The following ANK3 variants were observed in gnomAD, a reference collection of about 807,000 sequenced individuals.
ANK3 encodes the protein ankyrin-3.
ANK3 carries 57 observed loss-of-function variants against 370.9 expected under a neutral mutation model. The ratio of observed to expected loss-of-function variants is 0.15; its 90% CI spans 0.12 to 0.19. The LOEUF (loss-of-function observed/expected upper bound fraction) is 0.19, where lower values mean the gene tolerates loss of function less well. ANK3 is among the 10% of genes least tolerant of loss of function. The pLI is 1.00. For missense variants in ANK3, 4,439 were observed against 5,302.1 expected, an observed-to-expected ratio of 0.84 and a Z score of 5.06; for synonymous variants, 1,929 against 1,946.3, an observed-to-expected ratio of 0.99 and a Z score of 0.23.
chr10:60,575,142 T>A (rs1375056751), intron 2 of ANK3, among the ~76,000 whole-genome samples: 1 of 152,238 alleles, frequency 6.6e-6, no homozygotes, highest in African/African-American at 2.4e-5. Flanking sequence ...AAATTCTTTT[T>A]AAACTATAAA....
chr10:60,343,804 C>T (rs1282737399), intron 1 of ANK3, among the ~76,000 whole-genome samples: 1 of 152,194 alleles, frequency 6.6e-6, no homozygotes, highest in Non-Finnish European at 1.5e-5. Flanking sequence ...ATGACAGTCA[C>T]CTGGAGGGCT....
chr10:60,623,778 T>C (rs1004462494), intron 1 of ANK3, among the ~76,000 whole-genome samples: 4 of 152,180 alleles, frequency 2.6e-5, no homozygotes, highest in African/African-American at 9.6e-5. Flanking sequence ...CAGTAATCTC[T>C]AAGCCCTTGG....
chr10:60,626,340 T>C (rs1470703313), intron 1 of ANK3, among the ~76,000 whole-genome samples: 1 of 152,180 alleles, frequency 6.6e-6, no homozygotes, highest in Non-Finnish European at 1.5e-5. Flanking sequence ...ATGCATTATA[T>C]TGTACAAATA....
chr10:60,042,894 T>TA, intron 42 of ANK3, 135 bp from the exon 43 acceptor site: 1 of 1,500,452 alleles, frequency 6.7e-7, no homozygotes, highest in Non-Finnish European at 8.9e-7. Context: ...TGTCCAAAAA[T>TA]ACGTACAATC....
chr10:60,084,949 T>C, intron 31 of ANK3, 119 bp from the exon 32 acceptor site: 2 of 806,798 alleles, frequency 2.5e-6, no homozygotes, highest in South Asian at 2.1e-5. Context: ...CGTTATTAAC[T>C]TGTTCATTTA....
intron 40 of ANK3, 27 bp from the exon 41 acceptor site, chr10:60,059,457 G>T: frequency 6.3e-7 from 1 of 1,587,908 alleles, no homozygotes. Context: ...TTCCAGTTCT[G>T]CTTGCTGAAC....
At chr10:60,110,130 CATCAAAA>C (rs1274751656) in intron 26 of ANK3, among the ~76,000 whole-genome samples, 1 of 152,114 alleles carries the variant, frequency 6.6e-6, no homozygotes, top group African/African-American at 2.4e-5. Flanking sequence ...AAGTCCCATC[CATCAAAA>C]ATCTTTACTA....
chr10:60,059,569 T>A (rs2079927560), intron 40 of ANK3, 139 bp from the exon 41 acceptor site: 7 of 1,234,228 alleles, frequency 5.7e-6, no homozygotes, highest in Non-Finnish European at 8.2e-6. Context: ...TTCTCTTCCA[T>A]CATCTCCTCA....
In ANK3 at chr10:60,422,684, T is replaced by C. The variant is rs1236261875; in HGVS notation, c.97-143045A>G. ...TTCTTTTTTCCCTCCTAAGCTGTAA[T>C]GGCATTTGCACAGCTGTTACAAGGG... On this transcript the variant is annotated intron_variant, in intron 2 of 43. Coordinates refer to the ANK3 transcript ENST00000373827. 2.6e-5 allele frequency among the ~76,000 whole-genome samples: 4 copies of C among 152,114 alleles called. No individual in the cohort carries two copies. The East Asian group carries it at 5.8e-4, about 22-fold the overall frequency.
intron 2 of ANK3, among the ~76,000 whole-genome samples, chr10:60,613,165 T>C (rs1248560831): frequency 3.9e-5 from 6 of 152,170 alleles, no homozygotes; most frequent in Non-Finnish European, 7.4e-5. Context: ...ATTCTAAAAA[T>C]TGTATTAATT....
chr10:60,370,474 C>T (rs2059963265), intron 1 of ANK3, among the ~76,000 whole-genome samples: 1 of 151,988 alleles, frequency 6.6e-6, no homozygotes, highest in Non-Finnish European at 1.5e-5. Flanking sequence ...ATAAAAATCA[C>T]TATTCAAATA....
chr10:60,168,317 C>T (rs762132799), intron 21 of ANK3, among the ~76,000 whole-genome samples: 2 of 152,180 alleles, frequency 1.3e-5, no homozygotes, highest in Non-Finnish European at 2.9e-5. Context: ...TGAGCCACCG[C>T]GCCTGGCCTA....
chr10:60,225,791 C>T (rs2097130174), intron 8 of ANK3, among the ~76,000 whole-genome samples: 3 of 151,862 alleles, frequency 2.0e-5, no homozygotes, highest in Admixed American at 1.3e-4. Flanking sequence ...GTTTTCCACT[C>T]TGTTCTTTGT....
At chr10:60,669,835 T>A (rs972892827) in intron 1 of ANK3, among the ~76,000 whole-genome samples, 1 of 152,180 alleles carries the variant, frequency 6.6e-6, no homozygotes, top group African/African-American at 2.4e-5. Flanking sequence ...TATTTTTTAC[T>A]TTTTTGAGAC....
At chr10:60,346,177 G>A (rs1463111128) in intron 1 of ANK3, among the ~76,000 whole-genome samples, 1 of 151,940 alleles carries the variant, frequency 6.6e-6, no homozygotes, top group African/African-American at 2.4e-5. Context: ...TGAAAACATG[G>A]ATAATTTTGC....
At position 60,070,525 on chromosome 10, in the gene ANK3, C is replaced by A; in HGVS notation, c.10356G>T (p.Leu3452=). The A allele has an allele frequency of 7.4e-6, 12 of 1,614,168 alleles. No homozygotes were observed. Among genetic ancestry groups the A allele is most frequent in the Non-Finnish European group, 1.0e-5 (12 of 1,180,022 alleles). Reference sequence around the variant, plus strand: ...GGCTAAAAGAGCGGTCAGCTGGCTTCAGAATGCCCTCTGTGTTCCAGATAT... The same window carrying A: ...GGCTAAAAGAGCGGTCAGCTGGCTTAAGAATGCCCTCTGTGTTCCAGATAT... ...KKDIWNTEGI[L]KPADRSFSQS... The change falls in exon 37 of 44, where the codon CTG becomes CTT. Residue 3452 remains leucine (L), a synonymous_variant. Coordinates refer to ENST00000280772, the MANE Select transcript of ANK3 (RefSeq NM_020987.5). This position sits in a 1 kb window ranked among gnomAD's most constrained non-coding sequence, Gnocchi z 5.7.
In ANK3 at chr10:60,190,419, AAAACAAAC is replaced by A. The variant is rs143933936; in HGVS notation, c.1888-3515_1888-3508del. 8.4e-3 allele frequency among the ~76,000 whole-genome samples: 1,277 copies of A among 152,306 alleles called. 25 individuals are homozygous for A. Among genetic ancestry groups the A allele is most frequent in the African/African-American group, 0.03 (1,248 of 41,568 alleles). ...ATTTATTCTCCTTTCTTTCTTAGTGAAAACAAACAAACAAACAAACCCCCAAACCAAAA... is the reference window on the plus strand; with the variant it reads ...ATTTATTCTCCTTTCTTTCTTAGTGAAAACAAACAAACCCCCAAACCAAAA... On this transcript the variant is annotated intron_variant, in intron 16 of 43. Coordinates refer to ENST00000280772, the MANE Select transcript of ANK3 (RefSeq NM_020987.5).
At chr10:60,242,928 A>G (rs767811685) in intron 7 of ANK3, among the ~76,000 whole-genome samples, 8 of 152,214 alleles carry the variant, frequency 5.3e-5, no homozygotes, top group Non-Finnish European at 1.2e-4. Flanking sequence ...CAAAGCTCCC[A>G]TCAGTTGTCT....
chr10:60,542,150 A>T (rs1351613706), intron 2 of ANK3, among the ~76,000 whole-genome samples: 3 of 151,592 alleles, frequency 2.0e-5, no homozygotes, highest in African/African-American at 7.3e-5. Context: ...TATCTTTTTA[A>T]TCCTTTTATC....
Sources: gnomAD v4.1 joint callset for allele counts (sites outside exome capture counted in the v4.1 genomes callset) on GRCh38, gnomAD v4.1.1 for gene constraint, Gnocchi (gnomAD v3.1) non-coding constraint, MANE v1.5 for transcripts, NCBI Gene and HGNC (gene_info 2026-07-23, HGNC 2026-07-21) for gene names.